Variants in MACF1 observed in about 807,000 individuals in gnomAD.
MACF1 encodes microtubule actin crosslinking factor 1, also known as microtubule-actin cross-linking factor 1.
Under a neutral mutation model 854.8 loss-of-function variants are expected in MACF1, and 193 were observed. That is an observed-to-expected ratio of 0.23 (90% CI 0.20 to 0.25). The LOEUF (loss-of-function observed/expected upper bound fraction) is 0.25, where lower values mean the gene tolerates loss of function less well. MACF1 is among the 10% of genes least tolerant of loss of function. The pLI is 1.00. For synonymous variants in MACF1, 3,185 were observed against 3,226.7 expected (o/e 0.99, Z 0.44); for missense variants, 7,722 against 8,929.1 (o/e 0.86, Z 5.45).
In MACF1 at chr1:39,287,623, C is replaced by G. The variant is rs550009086; in HGVS notation, c.1785+61C>G. The G allele has an allele frequency of 6.4e-6, 10 of 1,569,640 alleles. No homozygotes were observed. The South Asian group carries it at 1.1e-4, about 18-fold the overall frequency. ...ATGTTTACTGGATCTGGAAGCTTAT[C>G]TAAGAGGACCAAATTGCTTTGTGTT... On this transcript the variant is annotated intron_variant, in intron 15 of 100. Coordinates refer to ENST00000564288, the MANE Select transcript of MACF1 (RefSeq NM_001394062.1).
intron 4 of MACF1, 113 bp from the exon 5 acceptor site, chr1:39,254,185 T>G: frequency 1.3e-5 from 11 of 868,306 alleles, no homozygotes; most frequent in Non-Finnish European, 2.0e-5. Flanking sequence ...AGGCCTGGCT[T>G]CTACTGTAAG....
At chr1:39,305,712 A>G (rs931946039) in intron 23 of MACF1, among the ~76,000 whole-genome samples, 4 of 151,972 alleles carry the variant, frequency 2.6e-5, no homozygotes, top group Non-Finnish European at 5.9e-5. Context: ...ACCTCTCTGA[A>G]CTCATCCTCT....
chr1:39,319,889 T>G (rs1476782240), intron 31 of MACF1, 142 bp downstream of exon 31: 2 of 588,390 alleles, frequency 3.4e-6, no homozygotes, highest in East Asian at 6.0e-5. Context: ...TAAGCAGATG[T>G]GTATTTCCTG....
intron 44 of MACF1, among the ~76,000 whole-genome samples, chr1:39,353,899 C>T (rs2148506169): frequency 6.6e-6 from 1 of 152,308 alleles, no homozygotes; most frequent in Middle Eastern, 3.4e-3. Context: ...TAGTTTAGAA[C>T]CACTGTCTGC....
intron 6 of MACF1, among the ~76,000 whole-genome samples, chr1:39,281,810 T>A (rs1645551944): frequency 6.6e-6 from 1 of 152,262 alleles, no homozygotes; most frequent in Non-Finnish European, 1.5e-5. Context: ...TAAATATTCA[T>A]GCATAAAATT....
chr1:39,345,002 A>G (rs1353522499), intron 40 of MACF1, among the ~76,000 whole-genome samples: 2 of 152,168 alleles, frequency 1.3e-5, no homozygotes, highest in African/African-American at 2.4e-5. Flanking sequence ...AGGGCCTCTC[A>G]TGCCCTGCTC....
intron 1 of MACF1, among the ~76,000 whole-genome samples, chr1:39,224,168 A>G (rs1190929537): frequency 6.6e-6 from 1 of 152,180 alleles, no homozygotes; most frequent in Non-Finnish European, 1.5e-5. Flanking sequence ...TTGAAAAGCT[A>G]TGGACATCCC....
chr1:39,406,738 CAAAAAAAAAA>C (rs5773658), intron 58 of MACF1, among the ~76,000 whole-genome samples: 1 of 31,838 alleles, frequency 3.1e-5, no homozygotes, highest in Admixed American at 3.0e-4. Flanking sequence ...GAGTCTCACT[CAAAAAAAAAA>C]AAAAAAAAAA....
At chr1:39,463,800 A>T (rs547207607) in intron 94 of MACF1, 114 bp downstream of exon 94, 2 of 872,702 alleles carry the variant, frequency 2.3e-6, no homozygotes, top group South Asian at 1.4e-5. Flanking sequence ...AGATGTGGTC[A>T]CTCTCTGACC....
chr1:39,459,165 G>C lies in MACF1; in HGVS notation c.21276G>C (p.Gln7092His). 1.2e-6 allele frequency: 2 copies of C among 1,614,114 alleles called. No individual in the cohort carries two copies. Among genetic ancestry groups the C allele is most frequent in the African/African-American group, 2.7e-5 (2 of 75,034 alleles). ...QSEAKNPRINQLSARWQQVWL... is the reference protein window; with the variant it reads ...QSEAKNPRINHLSARWQQVWL... ...AAGCAAAAAACCCACGGATCAACCA[G>C]CTTTCTGCCCGCTGGCAGCAGGTGT... Residue 7092 changes from glutamine to histidine, a missense_variant, in exon 91 of 101, where the codon CAG becomes CAC. Transcript: ENST00000564288.
rs764672398 is a variant in MACF1, at chr1:39,429,278, G to A, written c.16840G>A (p.Val5614Ile). The change falls in exon 64 of 101, where the codon GTA (valine) becomes ATA (isoleucine). Residue 5614 changes from valine (V) to isoleucine (I), a missense_variant. Physicochemically the swap from Val to Ile is conservative, Grantham distance 29. Around this residue, in one of 15 missense-constraint regions of MACF1, gnomAD observed 2,807 missense variants for 3,235.8 expected, o/e 0.87. Transcript: ENST00000564288. ...NEEIVNRKKN[V>I]DQAIKNGQAL... ...AGAAATTGTTAATAGAAAGAAGAAT[G>A]TAGATCAAGCTATTAAAAATGGTCA... 5 of 1,584,662 alleles carry A rather than the reference G, an allele frequency of 3.2e-6. No individual in the cohort carries two copies. Among genetic ancestry groups the A allele is most frequent in the Non-Finnish European group, 3.5e-6 (4 of 1,153,904 alleles).
chr1:39,141,019 G>A (rs1643333232), intron 2 of MACF1, among the ~76,000 whole-genome samples: 1 of 151,512 alleles, frequency 6.6e-6, no homozygotes, highest in Admixed American at 6.6e-5. Flanking sequence ...ATTTTACACT[G>A]GAGTAAACTG....
intron 2 of MACF1, among the ~76,000 whole-genome samples, chr1:39,123,049 T>C (rs2148160557): frequency 6.6e-6 from 1 of 151,980 alleles, no homozygotes; most frequent in Non-Finnish European, 1.5e-5. Flanking sequence ...AGTAGATCTT[T>C]TTCATTAGCT....
At chr1:39,349,167 G>A (rs1647124324) in intron 41 of MACF1, among the ~76,000 whole-genome samples, 1 of 152,070 alleles carries the variant, frequency 6.6e-6, no homozygotes, top group Admixed American at 6.6e-5. Flanking sequence ...TGGATTTCAA[G>A]CATCTGGGCT....
At position 39,337,171 on chromosome 1, in the gene MACF1, T is replaced by G; in HGVS notation, c.10066-11T>G. 6.2e-7 allele frequency: 1 copy of G among 1,607,944 alleles called. No individual in the cohort carries two copies. Among genetic ancestry groups the G allele is most frequent in the Non-Finnish European group, 8.5e-7 (1 of 1,176,860 alleles). The stretch of plus-strand genomic sequence containing the variant: ...GTCAGAACTGAGTCAGCTTTCTTTT[T>G]GGCTCCACAGAATGTATTTACCCGG... On this transcript the variant is annotated splice_polypyrimidine_tract_variant and intron_variant, in intron 37 of 100. Coordinates refer to ENST00000564288, the MANE Select transcript of MACF1 (RefSeq NM_001394062.1).
chr1:39,337,562 AT>A (rs35312351), intron 38 of MACF1, among the ~76,000 whole-genome samples: 62 of 100,154 alleles, frequency 6.2e-4, no homozygotes, highest in African/African-American at 2.2e-3. Flanking sequence ...AATTACTACC[AT>A]TTTTTTTTTT....
At chr1:39,087,693 C>T (rs906099199) in intron 2 of MACF1, among the ~76,000 whole-genome samples, 4 of 152,182 alleles carry the variant, frequency 2.6e-5, no homozygotes, top group African/African-American at 4.8e-5. Flanking sequence ...TGTTAGCATC[C>T]GAGGCTCAGA....
intron 84 of MACF1, 139 bp downstream of exon 84, chr1:39,448,902 A>C: frequency 1.9e-6 from 1 of 522,598 alleles, no homozygotes; most frequent in South Asian, 5.8e-5. Flanking sequence ...GTTAGTTCAA[A>C]GACTGTTATA....
In MACF1 at chr1:39,380,372, C is replaced by A; in HGVS notation, c.13647C>A (p.Leu4549=). Residue 4549 remains leucine (L), a splice_region_variant and synonymous_variant, in exon 55 of 101, where the codon CTC becomes CTA. Transcript: ENST00000564288. The stretch of plus-strand genomic sequence containing the variant: ...ATTGGAAGAAAATTCAGGAAGAACT[C>A]AGTAAGTTTTCACAAGAGTGTTACA... ...AENWKKIQEE[L]NSRWERATEV... 3 of 1,612,130 alleles carry A rather than the reference C, an allele frequency of 1.9e-6. No individual in the cohort carries two copies. The South Asian group carries it at 3.3e-5, about 18-fold the overall frequency.
Sources: allele counts gnomAD v4.1 joint callset (sites outside exome capture counted in the v4.1 genomes callset), GRCh38; gene constraint gnomAD v4.1.1; regional missense constraint gnomAD v4.1.1; transcripts MANE v1.5; gene names NCBI Gene and HGNC (gene_info 2026-07-23, HGNC 2026-07-21).